Variants in ANKS1A observed in about 807,000 individuals in gnomAD.
The protein encoded by ANKS1A is ankyrin repeat and sterile alpha motif domain containing 1A.
A neutral mutation model predicts 120.3 loss-of-function variants in ANKS1A; 55 were observed. The ratio of observed to expected loss-of-function variants is 0.46; its 90% CI spans 0.37 to 0.57. The LOEUF (loss-of-function observed/expected upper bound fraction) is 0.57, where lower values mean the gene tolerates loss of function less well. ANKS1A is among the 20% of genes least tolerant of loss of function. The pLI is 0.00. For missense variants in ANKS1A, 1,123 were observed against 1,480.3 expected, an observed-to-expected ratio of 0.76 and a Z score of 3.96; for synonymous variants, 590 against 604.7, an observed-to-expected ratio of 0.98 and a Z score of 0.36.
chr6:35,025,274 A>G (rs1774560967), intron 11 of ANKS1A, among the ~76,000 whole-genome samples: 1 of 150,980 alleles, frequency 6.6e-6, no homozygotes, highest in South Asian at 2.1e-4. Context: ...ACACACACGC[A>G]TATATGTATG....
chr6:35,086,816 C>A lies in ANKS1A; in HGVS notation c.3304-136C>A. 1.1e-6 allele frequency: 1 copy of A among 881,306 alleles called. No individual in the cohort carries two copies. The highest frequency in any genetic ancestry group is 1.8e-6 in the Non-Finnish European group (1 of 545,114). 54.6% of individuals were successfully genotyped at this position (881,306 alleles called of 1,614,324 possible). ...TCCTCCGCCTGCCCCCAGGGGCCTG[C>A]TCTTTGGCCGAGGAGAATAAGGGCT... On this transcript the variant is annotated intron_variant, in intron 22 of 23. Transcript: ENST00000360359. The surrounding 1 kb of genome is among the most constrained non-coding windows in gnomAD (Gnocchi z 5.1).
intron 10 of ANKS1A, among the ~76,000 whole-genome samples, chr6:35,005,228 A>G (rs982277998): frequency 6.6e-6 from 1 of 152,222 alleles, no homozygotes; most frequent in African/African-American, 2.4e-5. Flanking sequence ...GAAGAGAAGT[A>G]TGCTCTTCTC....
At chr6:35,042,032 A>G (rs3823437) in intron 11 of ANKS1A, among the ~76,000 whole-genome samples, 29,193 of 152,216 alleles carry the variant, frequency 0.19, 3,316 homozygotes, top group East Asian at 0.58. Context: ...GAGCAGAGAA[A>G]TGGGGGGAAG....
intron 1 of ANKS1A, among the ~76,000 whole-genome samples, chr6:34,901,570 A>T (rs767227921): frequency 2.0e-5 from 3 of 152,142 alleles, no homozygotes; most frequent in Admixed American, 6.6e-5. Flanking sequence ...GAGCACAGTG[A>T]TGCAATCACA....
In ANKS1A at chr6:35,079,923, C is replaced by T. The variant is rs1159602624; in HGVS notation, c.2539C>T (p.Leu847=). Residue 847 remains leucine, a synonymous_variant, in exon 16 of 24, where the codon CTG becomes TTG. Transcript: ENST00000360359. ...PPQKPPRFSQ[L]RCQDLLSQTS... ...CCAGAAGCCCCCCAGATTCTCCCAG[C>T]TGAGGGTGAGTCGGGGAGGGACAGA... 1.3e-6 allele frequency: 2 copies of T among 1,555,950 alleles called. No homozygotes were observed. Among genetic ancestry groups the T allele is most frequent in the African/African-American group, 1.4e-5 (1 of 73,364 alleles).
downstream of ANKS1A, among the ~76,000 whole-genome samples, chr6:35,095,669 G>A (rs1198560411): frequency 7.0e-6 from 1 of 143,048 alleles, no homozygotes; most frequent in African/African-American, 2.7e-5. Context: ...AAAAAAGCTG[G>A]AGAGACAGTT....
In ANKS1A at chr6:35,088,822, A is replaced by T; in HGVS notation, c.*213A>T. 7.5e-6 allele frequency: 11 copies of T among 1,476,350 alleles called. No homozygotes were observed. Among genetic ancestry groups the T allele is most frequent in the Non-Finnish European group, 9.9e-6 (11 of 1,115,302 alleles). The allele number at this position is 1,476,350 out of a possible 1,614,324, so 91.5% of individuals were successfully genotyped here. ...CTGTGGAGAAGCACTCCAGGCCGCT[A>T]GCAGATGGGACTGGCATTCCAGAGG... On this transcript the variant is annotated 3_prime_UTR_variant, in exon 24 of 24. Transcript: ENST00000360359.
At chr6:34,909,035 T>C (rs1561841453) in intron 1 of ANKS1A, among the ~76,000 whole-genome samples, 1 of 152,236 alleles carries the variant, frequency 6.6e-6, no homozygotes, top group Non-Finnish European at 1.5e-5. Flanking sequence ...ATCATGAAGA[T>C]AACATTCCAG....
intron 10 of ANKS1A, among the ~76,000 whole-genome samples, chr6:35,004,877 A>G (rs996781153): frequency 6.6e-6 from 1 of 152,266 alleles, no homozygotes; most frequent in African/African-American, 2.4e-5. Flanking sequence ...TCTTTATACA[A>G]AAGTGACTAT....
chr6:34,977,687 A>G (rs1771675188), intron 3 of ANKS1A, among the ~76,000 whole-genome samples: 3 of 152,114 alleles, frequency 2.0e-5, no homozygotes, highest in Admixed American at 2.0e-4. Flanking sequence ...AGAACAATAC[A>G]GAGTAAGTCT....
intron 10 of ANKS1A, among the ~76,000 whole-genome samples, chr6:35,010,701 G>T (rs561572669): frequency 6.6e-6 from 1 of 152,054 alleles, no homozygotes; most frequent in Admixed American, 6.6e-5. Context: ...CTAGAAAAAG[G>T]GTTAGGCAGT....
intron 1 of ANKS1A, among the ~76,000 whole-genome samples, chr6:34,953,295 A>C (rs1581741542): frequency 6.6e-6 from 1 of 152,336 alleles, no homozygotes; most frequent in East Asian, 1.9e-4. Context: ...AAGGAGTTCT[A>C]CAGGAAGTTC....
intron 20 of ANKS1A, 30 bp downstream of exon 20, chr6:35,083,533 A>C: frequency 6.2e-7 from 1 of 1,606,244 alleles, no homozygotes; most frequent in East Asian, 2.2e-5. Context: ...TCTTGGTGGG[A>C]GTGGGACCCA....
intron 10 of ANKS1A, among the ~76,000 whole-genome samples, chr6:35,003,807 G>A (rs1199058129): frequency 6.6e-6 from 1 of 152,204 alleles, no homozygotes; most frequent in Admixed American, 6.5e-5. Flanking sequence ...AAAAGTGAGA[G>A]TCTCAAAGAG....
At position 35,055,147 on chromosome 6, in the gene ANKS1A, C is replaced by T. The variant is rs560193634; in HGVS notation, c.2077+982C>T. On this transcript the variant is annotated intron_variant, in intron 12 of 23. Coordinates refer to ENST00000360359, the MANE Select transcript of ANKS1A (RefSeq NM_015245.3). The stretch of plus-strand genomic sequence containing the variant: ...AGGGAGAAAGGAACATCAGAGACCA[C>T]GGGGCCTGGTGGGGACGGGCTGGGC... Among the ~76,000 whole-genome samples the T allele has an allele frequency of 5.9e-5, 9 of 152,240 alleles. No individual in the cohort carries two copies. The South Asian group carries it at 1.7e-3, about 28-fold the overall frequency.
intron 1 of ANKS1A, among the ~76,000 whole-genome samples, chr6:34,911,145 C>T (rs1374432491): frequency 6.6e-6 from 1 of 151,966 alleles, no homozygotes; most frequent in Non-Finnish European, 1.5e-5. Context: ...TTTGGTTTAT[C>T]TTTTGTTTAT....
chr6:35,079,904 GC>G lies in ANKS1A; in HGVS notation c.2526del (p.Arg843AspfsTer5), dbSNP rs1296127747. 6.4e-7 allele frequency: 1 copy of G among 1,559,106 alleles called. No individual in the cohort carries two copies. Among genetic ancestry groups the G allele is most frequent in the Non-Finnish European group, 8.7e-7 (1 of 1,151,240 alleles). Reference protein sequence around the residue: ...DRPYEEPPQKPPRFSQLRCQD... With the variant: ...DRPYEEPPQKXPRFSQLRCQD... ...GACCGTACGAGGAGCCGCCCCAGAAGCCCCCCAGATTCTCCCAGCTGAGGGT... is the reference window on the plus strand; with the variant it reads ...GACCGTACGAGGAGCCGCCCCAGAAGCCCCCAGATTCTCCCAGCTGAGGGT... On this transcript the variant is annotated frameshift_variant, in exon 16 of 24. Transcript: ENST00000360359. LOFTEE classifies it high-confidence loss of function.
At chr6:35,056,195 C>T (rs1338208772) in intron 12 of ANKS1A, among the ~76,000 whole-genome samples, 1 of 152,216 alleles carries the variant, frequency 6.6e-6, no homozygotes, top group Non-Finnish European at 1.5e-5. Flanking sequence ...CGGGAAGAGC[C>T]CTCCCCTTGG....
chr6:35,084,399 G>A lies in ANKS1A; in HGVS notation c.3132+141G>A. On this transcript the variant is annotated intron_variant, in intron 21 of 23. Coordinates refer to ENST00000360359, the MANE Select transcript of ANKS1A (RefSeq NM_015245.3). This position sits in a 1 kb window ranked among gnomAD's most constrained non-coding sequence, Gnocchi z 4.8. ...ATGTTTGGTTCATGAATGGAGCCCA[G>A]CAGCACTCAGGCCGGTCCCCTTTCA... 8.2e-7 allele frequency: 1 copy of A among 1,222,654 alleles called. No individual in the cohort carries two copies. The highest frequency in any genetic ancestry group is 1.5e-5 in the African/African-American group (1 of 66,112). 75.7% of individuals were successfully genotyped at this position (1,222,654 alleles called of 1,614,324 possible). A position where few individuals can be genotyped will look rare whatever the true frequency, so the allele number is the denominator to read the frequency against.
Sources: gnomAD v4.1 joint callset for allele counts (sites outside exome capture counted in the v4.1 genomes callset) on GRCh38, gnomAD v4.1.1 for gene constraint, Gnocchi (gnomAD v3.1) non-coding constraint, MANE v1.5 for transcripts, NCBI Gene and HGNC (gene_info 2026-07-23, HGNC 2026-07-21) for gene names.